The following TAFA4 variants were observed in gnomAD, a reference collection of about 807,000 sequenced individuals.
The protein encoded by TAFA4 is TAFA chemokine like family member 4, also known as chemokine-like protein TAFA-4.
In TAFA4, 20 loss-of-function variants were observed where a neutral mutation model predicts 21.1. The ratio of observed to expected loss-of-function variants is 0.95; its 90% CI spans 0.67 to 1.38. The LOEUF is 1.38. Among genes scored for constraint, TAFA4 ranks in the 40% most tolerant of loss-of-function variants. The pLI, the probability that TAFA4 is intolerant of heterozygous loss-of-function variation, is 0.00. For missense variants in TAFA4, 211 were observed against 180.9 expected (o/e 1.17, Z -0.95); for synonymous variants, 71 against 67.4 (o/e 1.05, Z -0.26).
intron 3 of TAFA4, among the ~76,000 whole-genome samples, chr3:68,837,437 T>A (rs1704550323): frequency 6.6e-6 from 1 of 152,226 alleles, no homozygotes; most frequent in African/African-American, 2.4e-5. Flanking sequence ...ATGGTCAATT[T>A]CAACCCTCCC....
chr3:68,855,129 G>C (rs994780313), intron 3 of TAFA4, among the ~76,000 whole-genome samples: 1 of 152,058 alleles, frequency 6.6e-6, no homozygotes, highest in Non-Finnish European at 1.5e-5. Context: ...AACTATGCTG[G>C]CTTATACAAC....
At chr3:68,740,414 T>G (rs1702327797) in intron 4 of TAFA4, among the ~76,000 whole-genome samples, 1 of 152,212 alleles carries the variant, frequency 6.6e-6, no homozygotes, top group Non-Finnish European at 1.5e-5. Flanking sequence ...TAAAGTCAAT[T>G]ACAAGAAGCC....
intron 3 of TAFA4, among the ~76,000 whole-genome samples, chr3:68,779,087 C>T (rs931952336): frequency 1.3e-5 from 2 of 152,178 alleles, no homozygotes; most frequent in Admixed American, 1.3e-4. Flanking sequence ...AAAAGTTACT[C>T]TTGTTATGTT....
intron 3 of TAFA4, among the ~76,000 whole-genome samples, chr3:68,854,595 T>C (rs1705024990): frequency 6.6e-6 from 1 of 152,038 alleles, no homozygotes. Flanking sequence ...AGAACAAATA[T>C]ATGGTTAAAG....
At chr3:68,898,527 T>G (rs1156668416) in intron 1 of TAFA4, among the ~76,000 whole-genome samples, 2 of 152,092 alleles carry the variant, frequency 1.3e-5, no homozygotes, top group African/African-American at 2.4e-5. Context: ...GCGCCTATAC[T>G]CCCAGCTACT....
intron 3 of TAFA4, among the ~76,000 whole-genome samples, chr3:68,757,591 T>G (rs1316670921): frequency 6.6e-6 from 1 of 152,232 alleles, no homozygotes; most frequent in African/African-American, 2.4e-5. Context: ...AGTAATGCTA[T>G]GATTTACTTA....
At chr3:68,769,359 T>G (rs1372021272) in intron 3 of TAFA4, among the ~76,000 whole-genome samples, 1 of 152,138 alleles carries the variant, frequency 6.6e-6, no homozygotes, top group Non-Finnish European at 1.5e-5. Context: ...TACAGTACAA[T>G]GTAATAATAA....
intron 1 of TAFA4, among the ~76,000 whole-genome samples, chr3:68,896,946 C>A (rs2089796220): frequency 6.6e-6 from 1 of 152,220 alleles, no homozygotes; most frequent in Non-Finnish European, 1.5e-5. Context: ...GTCTGTCACC[C>A]AGGCTGGAGT....
chr3:68,853,799 T>C (rs902251), intron 3 of TAFA4, among the ~76,000 whole-genome samples: 26,859 of 152,134 alleles, frequency 0.18, 4,097 homozygotes, highest in African/African-American at 0.42. Flanking sequence ...GTGTGACTTT[T>C]GGCTAGCTGT....
intron 3 of TAFA4, among the ~76,000 whole-genome samples, chr3:68,849,302 T>C (rs931058176): frequency 1.3e-5 from 2 of 152,228 alleles, no homozygotes; most frequent in African/African-American, 4.8e-5. Context: ...TGAATCTGAA[T>C]GGGCTCTGTG....
intron 1 of TAFA4, among the ~76,000 whole-genome samples, chr3:68,926,014 T>G (rs1444885976): frequency 6.6e-6 from 1 of 152,246 alleles, no homozygotes; most frequent in Non-Finnish European, 1.5e-5. Context: ...GCCAGATTAC[T>G]TGAGGTCAGG....
At chr3:68,904,384 G>A (rs1403466801) in intron 1 of TAFA4, among the ~76,000 whole-genome samples, 1 of 152,220 alleles carries the variant, frequency 6.6e-6, no homozygotes, top group Non-Finnish European at 1.5e-5. Flanking sequence ...AAAAGGAGAT[G>A]ACGTTTCTAA....
At chr3:68,789,816 G>C (rs769064699) in intron 3 of TAFA4, among the ~76,000 whole-genome samples, 1 of 152,156 alleles carries the variant, frequency 6.6e-6, no homozygotes, top group African/African-American at 2.4e-5. Flanking sequence ...CAAAAGAAAT[G>C]CACACATTTA....
intron 3 of TAFA4, among the ~76,000 whole-genome samples, chr3:68,837,214 C>T (rs1160267607): frequency 1.3e-5 from 2 of 152,238 alleles, no homozygotes; most frequent in African/African-American, 2.4e-5. Context: ...TAATCTCTTG[C>T]TATGCTAAAT....
intron 3 of TAFA4, among the ~76,000 whole-genome samples, chr3:68,793,804 C>T (rs1703407973): frequency 6.6e-6 from 1 of 152,170 alleles, no homozygotes; most frequent in Non-Finnish European, 1.5e-5. Context: ...AGAGGAATTA[C>T]ATAGAGATAA....
At chr3:68,752,799 G>C (rs376072070) in intron 4 of TAFA4, 64 bp downstream of exon 4, 1 of 1,605,680 alleles carries the variant, frequency 6.2e-7, no homozygotes, top group Non-Finnish European at 8.5e-7. Flanking sequence ...CAGTAAAGTA[G>C]GGAAATTCCT....
chr3:68,888,438 A>G (rs2089696046), intron 1 of TAFA4, among the ~76,000 whole-genome samples: 1 of 152,118 alleles, frequency 6.6e-6, no homozygotes, highest in South Asian at 2.1e-4. Flanking sequence ...ACAGCAATAC[A>G]GTTTTTCAGC....
intron 3 of TAFA4, among the ~76,000 whole-genome samples, chr3:68,753,247 T>C (rs1057387790): frequency 2.0e-5 from 3 of 151,856 alleles, no homozygotes; most frequent in African/African-American, 7.3e-5. Context: ...GCCTCCAGGA[T>C]CCTCAACCCC....
At chr3:68,885,058 A>C in intron 2 of TAFA4, 117 bp downstream of exon 2, 1 of 945,314 alleles carries the variant, frequency 1.1e-6, no homozygotes. Flanking sequence ...CCAAATTCCC[A>C]AAAAGTGTAA....
Sources: allele counts gnomAD v4.1 joint callset (sites outside exome capture counted in the v4.1 genomes callset), GRCh38; gene constraint gnomAD v4.1.1; transcripts MANE v1.5; gene names NCBI Gene and HGNC (gene_info 2026-07-23, HGNC 2026-07-21).